NRXN3: variants seen among roughly 807,000 people sequenced by gnomAD.
NRXN3 encodes neurexin III.
In NRXN3, 32 loss-of-function variants were observed where a neutral mutation model predicts 137.6. The ratio of observed to expected loss-of-function variants is 0.23; its 90% CI spans 0.18 to 0.31. NRXN3 has a LOEUF of 0.31. Among genes scored for constraint, NRXN3 ranks in the 10% least tolerant of loss-of-function variants. The pLI is 1.00. For missense variants in NRXN3, 1,574 were observed against 2,062.5 expected (o/e 0.76, Z 4.59); for synonymous variants, 798 against 784.5 (o/e 1.02, Z -0.29).
chr14:78,890,670 A>C (rs1405713273), intron 10 of NRXN3, among the ~76,000 whole-genome samples: 2 of 151,940 alleles, frequency 1.3e-5, no homozygotes, highest in Non-Finnish European at 2.9e-5. Flanking sequence ...ATAAGTAATA[A>C]TATTGTAATA....
At chr14:78,445,758 G>A (rs1465470901) in intron 4 of NRXN3, among the ~76,000 whole-genome samples, 1 of 152,196 alleles carries the variant, frequency 6.6e-6, no homozygotes, top group Non-Finnish European at 1.5e-5. Flanking sequence ...AGTTTCTCTA[G>A]AGATGTCTTT....
At chr14:78,467,962 C>T (rs1260689545) in intron 4 of NRXN3, among the ~76,000 whole-genome samples, 9 of 151,848 alleles carry the variant, frequency 5.9e-5, no homozygotes, top group Non-Finnish European at 1.3e-4. Flanking sequence ...CTCGTTCTGT[C>T]GCACAGGCTG....
chr14:78,769,959 GA>G (rs11313284), intron 8 of NRXN3, among the ~76,000 whole-genome samples: 3,285 of 138,698 alleles, frequency 0.024, 75 homozygotes, highest in African/African-American at 0.061. Flanking sequence ...CAATGTCTGA[GA>G]AAAAAAAAAA....
intron 16 of NRXN3, among the ~76,000 whole-genome samples, chr14:79,618,036 T>C (rs2098180534): frequency 6.6e-6 from 1 of 152,102 alleles, no homozygotes; most frequent in Non-Finnish European, 1.5e-5. Flanking sequence ...AAGTTTTTAC[T>C]TTCTGCTGTT....
intron 20 of NRXN3, among the ~76,000 whole-genome samples, chr14:79,830,693 T>G (rs1414902061): frequency 6.6e-6 from 1 of 152,208 alleles, no homozygotes; most frequent in African/African-American, 2.4e-5. Flanking sequence ...AACGTGTTCA[T>G]TTTTCAAATA....
intron 15 of NRXN3, among the ~76,000 whole-genome samples, chr14:79,106,044 C>T (rs766435582): frequency 4.6e-5 from 7 of 151,930 alleles, no homozygotes; most frequent in Non-Finnish European, 7.4e-5. Context: ...TATTGGGTGC[C>T]GAGTAACTGC....
chr14:79,698,364 A>G (rs780215466), intron 19 of NRXN3, among the ~76,000 whole-genome samples: 7 of 152,024 alleles, frequency 4.6e-5, no homozygotes, highest in Non-Finnish European at 8.8e-5. Context: ...TGAATCTTTC[A>G]TTATTGAGGT....
intron 17 of NRXN3, among the ~76,000 whole-genome samples, chr14:79,680,572 G>A (rs967575432): frequency 5.9e-5 from 9 of 151,938 alleles, no homozygotes; most frequent in African/African-American, 1.2e-4. Context: ...CTAAGTATAC[G>A]TAAGTGTATT....
chr14:79,290,809 A>G (rs2083061184), intron 15 of NRXN3, among the ~76,000 whole-genome samples: 1 of 152,186 alleles, frequency 6.6e-6, no homozygotes, highest in South Asian at 2.1e-4. Flanking sequence ...CTTCTTTACA[A>G]TTGATAACTA....
rs1447206415 is a variant in NRXN3 at position 79,864,183 on chromosome 14, T to C, written c.*2219T>C. 6.6e-6 allele frequency: 1 copy of C among 152,634 alleles called. No individual in the cohort carries two copies. The highest frequency in any genetic ancestry group is 1.5e-5 in the Non-Finnish European group (1 of 68,028). 9.5% of individuals were successfully genotyped at this position (152,634 alleles called of 1,614,324 possible). A position where few individuals can be genotyped will look rare whatever the true frequency, so the allele number is the denominator to read the frequency against. On this transcript the variant is annotated 3_prime_UTR_variant, in exon 21 of 21. Coordinates refer to ENST00000335750, the MANE Select transcript of NRXN3 (RefSeq NM_001330195.2). Reference sequence around the variant, plus strand: ...TCCTGCTTTCTTTCATTTTTTTCAATTTAAGTAATAATACATTTGTTATAT... The same window carrying C: ...TCCTGCTTTCTTTCATTTTTTTCAACTTAAGTAATAATACATTTGTTATAT...
intron 15 of NRXN3, among the ~76,000 whole-genome samples, chr14:79,029,535 T>G (rs2099603926): frequency 6.6e-6 from 1 of 152,114 alleles, no homozygotes. Context: ...AAAGATTTCT[T>G]CCTTGTGATA....
At chr14:78,199,805 G>C (rs183348455) in intron 1 of NRXN3, among the ~76,000 whole-genome samples, 3 of 152,342 alleles carry the variant, frequency 2.0e-5, no homozygotes, top group Admixed American at 1.3e-4. Flanking sequence ...CTGCTGATGC[G>C]AGCAGCTGCC....
chr14:79,423,290 GTC>G (rs1196536506), intron 15 of NRXN3, among the ~76,000 whole-genome samples: 2 of 152,138 alleles, frequency 1.3e-5, no homozygotes, highest in East Asian at 1.9e-4. Flanking sequence ...AATAGGAATA[GTC>G]TTTCACTTTC....
At chr14:78,842,038 C>A (rs867606387) in intron 10 of NRXN3, among the ~76,000 whole-genome samples, 50 of 152,126 alleles carry the variant, frequency 3.3e-4, no homozygotes, top group African/African-American at 1.1e-3. Context: ...ACCTCTTTAT[C>A]CTTTGCCTTG....
intron 16 of NRXN3, among the ~76,000 whole-genome samples, chr14:79,580,944 A>T (rs1286691420): frequency 2.0e-5 from 3 of 152,092 alleles, no homozygotes; most frequent in Middle Eastern, 3.2e-3. Flanking sequence ...ACTATTAATA[A>T]ATCTTATTTC....
chr14:78,253,828 C>G (rs947121525), intron 2 of NRXN3, among the ~76,000 whole-genome samples: 35 of 136,556 alleles, frequency 2.6e-4, no homozygotes, highest in Admixed American at 7.6e-5. Flanking sequence ...ACCTGCTAGC[C>G]ATCTGCAATA....
intron 19 of NRXN3, among the ~76,000 whole-genome samples, chr14:79,726,344 G>T (rs937521226): frequency 1.3e-5 from 2 of 152,112 alleles, no homozygotes; most frequent in Non-Finnish European, 2.9e-5. Context: ...GACATGCTTG[G>T]TGTGGATAAG....
chr14:79,298,954 G>T (rs114699973), intron 15 of NRXN3: 1 of 152,244 alleles, frequency 6.6e-6, no homozygotes, highest in Non-Finnish European at 1.5e-5. Flanking sequence ...AAGGCCAGGG[G>T]GCTGGAATCA....
At chr14:79,012,283 G>A (rs2099572564) in intron 15 of NRXN3, among the ~76,000 whole-genome samples, 1 of 152,156 alleles carries the variant, frequency 6.6e-6, no homozygotes, top group Non-Finnish European at 1.5e-5. Flanking sequence ...AGTGAGTGGG[G>A]TGGCCTGGAA....
Sources: gnomAD v4.1 joint callset for allele counts (sites outside exome capture counted in the v4.1 genomes callset) on GRCh38, gnomAD v4.1.1 for gene constraint, MANE v1.5 for transcripts, NCBI Gene and HGNC (gene_info 2026-07-23, HGNC 2026-07-21) for gene names.